SUMF1: variants seen among roughly 807,000 people sequenced by gnomAD.
The protein encoded by SUMF1 is sulfatase modifying factor 1.
A neutral mutation model predicts 47.6 loss-of-function variants in SUMF1; 48 were observed. The ratio of observed to expected loss-of-function variants is 1.01; its 90% CI spans 0.80 to 1.28. SUMF1 has a LOEUF of 1.28. SUMF1 is among the 50% of genes most tolerant of loss of function. SUMF1 has a pLI of 0.00. For synonymous variants in SUMF1, 230 were observed against 192.1 expected (o/e 1.20, Z -1.63); for missense variants, 571 against 485.4 (o/e 1.18, Z -1.66).
intron 8 of SUMF1, among the ~76,000 whole-genome samples, chr3:4,095,005 T>A (rs1692871633): frequency 6.6e-6 from 1 of 152,066 alleles, no homozygotes; most frequent in Non-Finnish European, 1.5e-5. Context: ...GTAGTGATGT[T>A]ATAAAGAGAA....
intron 8 of SUMF1, among the ~76,000 whole-genome samples, chr3:4,197,714 C>G (rs2125149271): frequency 6.6e-6 from 1 of 152,048 alleles, no homozygotes; most frequent in East Asian, 1.9e-4. Flanking sequence ...ACTCTATTGT[C>G]TATCCAAACA....
At position 4,146,471 on chromosome 3, in the gene SUMF1, C is replaced by T. The variant is rs1694195723; in HGVS notation, c.1015-77726G>A. ...ACCTTCCACATGAAATCAACACTGT[C>T]AGCATATGAAAAAGTAGAACAAAAA... On this transcript the variant is annotated intron_variant and NMD_transcript_variant, in intron 8 of 12. Coordinates refer to the SUMF1 transcript ENST00000448413. Among the ~76,000 whole-genome samples, 10 of 151,940 alleles carry T rather than the reference C, an allele frequency of 6.6e-5. No homozygotes were observed. The South Asian group carries it at 2.1e-3, about 32-fold the overall frequency.
intron 7 of SUMF1, among the ~76,000 whole-genome samples, chr3:4,403,628 T>G (rs538402506): frequency 2.0e-5 from 3 of 152,296 alleles, no homozygotes; most frequent in Non-Finnish European, 4.4e-5. Flanking sequence ...TACATTCTTA[T>G]TCTCAGCAAC....
intron 8 of SUMF1, among the ~76,000 whole-genome samples, chr3:4,206,017 C>A (rs1483021862): frequency 6.6e-6 from 1 of 152,046 alleles, no homozygotes; most frequent in Non-Finnish European, 1.5e-5. Flanking sequence ...TTCAGGGCAG[C>A]AAGTTTCCTT....
At chr3:4,313,927 A>G in intron 8 of SUMF1, 1 of 1,261,838 alleles carries the variant, frequency 7.9e-7, no homozygotes, top group East Asian at 2.5e-5. Flanking sequence ...TTCTCCATTT[A>G]ACAAAAGTAC....
intron 7 of SUMF1, among the ~76,000 whole-genome samples, chr3:4,403,560 G>T (rs1344944646): frequency 6.6e-6 from 1 of 152,166 alleles, no homozygotes; most frequent in Non-Finnish European, 1.5e-5. Context: ...GGGCAGGGGA[G>T]ACGCGACAAC....
rs367680893 is a variant in SUMF1, at chr3:4,267,385, T to A, written c.1014+108945A>T. 1.1e-4 allele frequency among the ~76,000 whole-genome samples: 17 copies of A among 152,300 alleles called. 3 individuals are homozygous for A. The highest frequency in any genetic ancestry group is 2.6e-4 in the Admixed American group (4 of 15,304). On this transcript the variant is annotated intron_variant and NMD_transcript_variant, in intron 8 of 12. Coordinates refer to the SUMF1 transcript ENST00000448413. ...TCTATTTGGTTGGTAAAGTATTGAT[T>A]ATTACCGCAATTTCAGCTCCTGTTA...
At chr3:4,072,153 G>C (rs1341283115) in intron 8 of SUMF1, among the ~76,000 whole-genome samples, 4 of 152,064 alleles carry the variant, frequency 2.6e-5, no homozygotes, top group Non-Finnish European at 5.9e-5. Context: ...AGGAAAACAG[G>C]GTCTGGAGTG....
chr3:4,165,921 T>C (rs1265888688), intron 8 of SUMF1, among the ~76,000 whole-genome samples: 1 of 147,546 alleles, frequency 6.8e-6, no homozygotes, highest in African/African-American at 2.5e-5. Context: ...ATCAGAATAG[T>C]TGTGCTCACT....
chr3:4,160,595 G>T (rs772648183), intron 8 of SUMF1, among the ~76,000 whole-genome samples: 1 of 151,822 alleles, frequency 6.6e-6, no homozygotes, highest in African/African-American at 2.4e-5. Flanking sequence ...GATCACTTCT[G>T]CTATTAAGAG....
chr3:4,095,144 A>C (rs1355851055), intron 8 of SUMF1, among the ~76,000 whole-genome samples: 1 of 152,086 alleles, frequency 6.6e-6, no homozygotes, highest in Admixed American at 6.5e-5. Context: ...TCTCTTAATA[A>C]TGTCTTGGCT....
chr3:4,386,836 C>A (rs1337452382), intron 7 of SUMF1, among the ~76,000 whole-genome samples: 1 of 150,972 alleles, frequency 6.6e-6, no homozygotes, highest in African/African-American at 2.4e-5. Context: ...TTGTTAAATG[C>A]TTCTTCTGCA....
chr3:4,225,870 T>G lies in SUMF1; in HGVS notation c.1014+150460A>C, dbSNP rs368917378. On this transcript the variant is annotated intron_variant and NMD_transcript_variant, in intron 8 of 12. Transcript: ENST00000448413. Reference sequence around the variant, plus strand: ...TTGAATAACCCCAGTCAGACATGACTAGGCTTACAAGTACTTATGGCTTAC... The same window carrying G: ...TTGAATAACCCCAGTCAGACATGACGAGGCTTACAAGTACTTATGGCTTAC... Among the ~76,000 whole-genome samples, 12 of 152,274 alleles carry G rather than the reference T, an allele frequency of 7.9e-5. 2 individuals carry two copies. Among genetic ancestry groups the G allele is most frequent in the Admixed American group, 6.5e-5 (1 of 15,292 alleles).
chr3:4,265,084 C>T lies in SUMF1; in HGVS notation c.1014+111246G>A, dbSNP rs530718530. Among the ~76,000 whole-genome samples, 15 of 145,578 alleles carry T rather than the reference C, an allele frequency of 1.0e-4. No homozygotes were observed. In the South Asian group the frequency reaches 3.2e-3, roughly 31 times the overall value. On this transcript the variant is annotated intron_variant and NMD_transcript_variant, in intron 8 of 12. Coordinates refer to the SUMF1 transcript ENST00000448413. ...CCCGGGAGGTGGAGGCTGCAGTGAG[C>T]CAAGATTGCGCCACTGCACTCCAGA...
At chr3:4,211,006 G>C (rs925616534) in intron 8 of SUMF1, among the ~76,000 whole-genome samples, 1 of 150,246 alleles carries the variant, frequency 6.7e-6, no homozygotes, top group Admixed American at 6.6e-5. Flanking sequence ...AAGTTCTTCA[G>C]CTTTGGGACT....
chr3:4,444,153 G>GA (rs941177721), intron 3 of SUMF1, among the ~76,000 whole-genome samples: 13 of 151,748 alleles, frequency 8.6e-5, no homozygotes, highest in African/African-American at 2.7e-4. Flanking sequence ...TATTCCAAAA[G>GA]AAAAAAAATA....
chr3:4,170,145 G>T (rs1694800482), intron 8 of SUMF1, among the ~76,000 whole-genome samples: 1 of 152,168 alleles, frequency 6.6e-6, no homozygotes, highest in Non-Finnish European at 1.5e-5. Context: ...GTCTATGGCT[G>T]TTTTTGTGCT....
At chr3:4,163,386 G>A (rs1293641179) in intron 8 of SUMF1, among the ~76,000 whole-genome samples, 37 of 14,134 alleles carry the variant, frequency 2.6e-3, no homozygotes, top group East Asian at 0.012. Context: ...AAGGAAGGGA[G>A]GGAGGGAGGG....
intron 8 of SUMF1, among the ~76,000 whole-genome samples, chr3:4,232,623 G>C (rs73806965): frequency 0.042 from 6,353 of 151,948 alleles, 419 homozygotes; most frequent in African/African-American, 0.14. Flanking sequence ...AAAAATGAAA[G>C]AAAGCTATAA....
Sources: gnomAD v4.1 joint callset for allele counts (sites outside exome capture counted in the v4.1 genomes callset) on GRCh38, gnomAD v4.1.1 for gene constraint, MANE v1.5 for transcripts, NCBI Gene and HGNC (gene_info 2026-07-23, HGNC 2026-07-21) for gene names.